LRRFIP2: variants seen among roughly 807,000 people sequenced by gnomAD.
LRRFIP2 encodes the protein LRR binding FLII interacting protein 2.
In LRRFIP2, 109 loss-of-function variants were observed where a neutral mutation model predicts 125.9. That is an observed-to-expected ratio of 0.87 (90% confidence interval 0.74 to 1.01). LRRFIP2 has a LOEUF of 1.01. Among genes scored for constraint, LRRFIP2 ranks in the 50% least tolerant of loss-of-function variants. The probability of loss-of-function intolerance (pLI) is 0.00; values close to 1 mark genes in which losing one functional copy is unlikely to be tolerated. For synonymous variants in LRRFIP2, 291 were observed against 293.1 expected (o/e 0.99, Z 0.07); for missense variants, 850 against 862.3 (o/e 0.99, Z 0.18).
chr3:37,054,890 T>C (rs2086370395), intron 26 of LRRFIP2, among the ~76,000 whole-genome samples, 196 bp downstream of exon 26: 1 of 151,022 alleles, frequency 6.6e-6, no homozygotes, highest in Non-Finnish European at 1.5e-5. Context: ...CAAAAACTGA[T>C]AGCTATAGTT....
At chr3:37,119,072 T>C (rs2094913268) in intron 6 of LRRFIP2, among the ~76,000 whole-genome samples, 1 of 152,232 alleles carries the variant, frequency 6.6e-6, no homozygotes, top group African/African-American at 2.4e-5. Flanking sequence ...GTAGTGAGCC[T>C]TCAGACTTGT....
intron 2 of LRRFIP2, among the ~76,000 whole-genome samples, chr3:37,146,842 A>G (rs2095866926): frequency 6.6e-6 from 1 of 152,204 alleles, no homozygotes; most frequent in Non-Finnish European, 1.5e-5. Context: ...AAGCAATCGC[A>G]ACAAAAGTAA....
chr3:37,171,400 C>T (rs1288951587), intron 1 of LRRFIP2, among the ~76,000 whole-genome samples: 1 of 152,106 alleles, frequency 6.6e-6, no homozygotes, highest in African/African-American at 2.4e-5. Flanking sequence ...GAAGCTGCCA[C>T]TCATGAGTTC....
chr3:37,155,937 C>T (rs1315187953), intron 1 of LRRFIP2, among the ~76,000 whole-genome samples: 2 of 152,130 alleles, frequency 1.3e-5, no homozygotes, highest in Non-Finnish European at 2.9e-5. Flanking sequence ...TGCAATAGTG[C>T]GACCTTGGCT....
intron 19 of LRRFIP2, among the ~76,000 whole-genome samples, chr3:37,081,893 A>G (rs1408124055): frequency 3.3e-5 from 4 of 119,690 alleles, no homozygotes; most frequent in African/African-American, 1.2e-4. Context: ...TCTCCAAAAG[A>G]AAAAAAAAAA....
At chr3:37,087,521 C>T (rs978199841) in intron 18 of LRRFIP2, among the ~76,000 whole-genome samples, 2 of 152,112 alleles carry the variant, frequency 1.3e-5, no homozygotes, top group African/African-American at 4.8e-5. Context: ...ACAGAAGTGT[C>T]AGGTATTTTA....
Position 37,085,647 on chromosome 3 carries a change from T to C in LRRFIP2, c.1108-1841A>G, listed in dbSNP as rs142762396. Among the ~76,000 whole-genome samples, 677 of 150,980 alleles carry C rather than the reference T, an allele frequency of 4.5e-3. 4 individuals carry two copies. The highest frequency in any genetic ancestry group is 0.041 in the Middle Eastern group (12 of 292). ...CCCGGGCTGGAGTGCAATGGCGCGA[T>C]CTTGGCTCACTGCAACCTCCACCTC... On this transcript the variant is annotated intron_variant, in intron 18 of 27. Coordinates refer to ENST00000336686, the MANE Select transcript of LRRFIP2 (RefSeq NM_006309.4).
intron 9 of LRRFIP2, among the ~76,000 whole-genome samples, chr3:37,110,485 C>T (rs1269679464): frequency 1.3e-5 from 2 of 152,090 alleles, no homozygotes; most frequent in Non-Finnish European, 2.9e-5. Flanking sequence ...TGTCAAATGC[C>T]TTTAAAAAAA....
chr3:37,110,841 T>G, intron 9 of LRRFIP2, 150 bp downstream of exon 9: 1 of 593,034 alleles, frequency 1.7e-6, no homozygotes, highest in East Asian at 2.9e-5. Flanking sequence ...TTAAAGAGAC[T>G]CCCACAGACT....
chr3:37,109,421 A>G (rs1218025706), intron 11 of LRRFIP2, 106 bp downstream of exon 11: 1 of 1,233,538 alleles, frequency 8.1e-7, no homozygotes, highest in Non-Finnish European at 1.2e-6. Flanking sequence ...TGACACTAAA[A>G]TCATGTGTCC....
Position 37,148,951 on chromosome 3 carries a change from T to G in LRRFIP2, c.33A>C (p.Thr11=). MGTPASGRKR[T]PVKDRFSAED... ...CTGCAGAAAATCGGTCTTTCACAGGTGTTCTTTTCCTTCCAGAAGCAGGAG... is the reference window on the plus strand; with the variant it reads ...CTGCAGAAAATCGGTCTTTCACAGGGGTTCTTTTCCTTCCAGAAGCAGGAG... Residue 11 remains threonine (T), a synonymous_variant, in exon 2 of 28, where the codon ACA becomes ACC. Coordinates refer to ENST00000336686, the MANE Select transcript of LRRFIP2 (RefSeq NM_006309.4). 1 of 1,614,074 alleles carries G rather than the reference T, an allele frequency of 6.2e-7. No individual in the cohort carries two copies. Among genetic ancestry groups the G allele is most frequent in the Non-Finnish European group, 8.5e-7 (1 of 1,179,968 alleles).
At chr3:37,166,307 G>A (rs2096488744) in intron 1 of LRRFIP2, among the ~76,000 whole-genome samples, 1 of 151,972 alleles carries the variant, frequency 6.6e-6, no homozygotes, top group South Asian at 2.1e-4. Context: ...TCCAGCCTGG[G>A]CAGAGCAAGA....
intron 16 of LRRFIP2, among the ~76,000 whole-genome samples, chr3:37,095,802 T>A (rs1036767833): frequency 1.3e-5 from 2 of 151,932 alleles, no homozygotes; most frequent in African/African-American, 4.8e-5. Context: ...AAACCATGAC[T>A]GGCTAATATT....
rs1277160908 is a variant in LRRFIP2, at chr3:37,083,655, T to C, written c.1259A>G (p.Glu420Gly). Reference sequence around the variant, plus strand: ...CATTACCTTTGATTTTTCTTCATTTTCTCTATAAAATTCTGCCATCTGTTC... The same window carrying C: ...CATTACCTTTGATTTTTCTTCATTTCCTCTATAAAATTCTGCCATCTGTTC... Reference protein sequence around the residue: ...QEEQMAEFYRENEEKSKELER... With the variant: ...QEEQMAEFYRGNEEKSKELER... Residue 420 changes from glutamate to glycine, a missense_variant, in exon 19 of 28, where the codon GAA becomes GGA. Physicochemically the swap from Glu to Gly is moderately conservative, Grantham distance 98 (BLOSUM62 -2). Transcript: ENST00000336686. The C allele has an allele frequency of 6.4e-7, 1 of 1,558,596 alleles. No homozygotes were observed. The highest frequency in any genetic ancestry group is 8.6e-7 in the Non-Finnish European group (1 of 1,161,918).
chr3:37,086,329 T>A (rs1454761362), intron 18 of LRRFIP2, among the ~76,000 whole-genome samples: 1 of 152,218 alleles, frequency 6.6e-6, no homozygotes. Flanking sequence ...CTCAAAATGT[T>A]AAATATAGTG....
chr3:37,121,701 G>A lies in LRRFIP2; in HGVS notation c.229-10C>T. On this transcript the variant is annotated splice_polypyrimidine_tract_variant and intron_variant, in intron 4 of 27. Transcript: ENST00000336686. ...CCCTTTCCGAATCTTCCTGGGAAAG[G>A]AGAAAGTACATGGAGAGTTAATCAC... 1 of 1,613,716 alleles carries A rather than the reference G, an allele frequency of 6.2e-7. No individual in the cohort carries two copies. Among genetic ancestry groups the A allele is most frequent in the African/African-American group, 1.3e-5 (1 of 75,032 alleles).
In LRRFIP2 at chr3:37,109,537, C is replaced by T; in HGVS notation, c.599G>A (p.Ser200Asn). ...SPTANSGLLR[S>N]ASLASLYNGG... ...GAGGAAAATACAAACCAGACTGGCA[C>T]TTCTCAGCAGACCAGAATTTGCAGT... Residue 200 changes from serine to asparagine, a missense_variant, in exon 11 of 28, where the codon AGT (serine) becomes AAT (asparagine). Transcript: ENST00000336686. 1.9e-6 allele frequency: 3 copies of T among 1,613,992 alleles called. No homozygotes were observed. Among genetic ancestry groups the T allele is most frequent in the Non-Finnish European group, 2.5e-6 (3 of 1,179,922 alleles).
chr3:37,104,332 T>C (rs1243045243), intron 14 of LRRFIP2, among the ~76,000 whole-genome samples: 1 of 152,208 alleles, frequency 6.6e-6, no homozygotes, highest in Non-Finnish European at 1.5e-5. Context: ...CAAGCATCAT[T>C]ATTTAAAGTC....
rs546358740 is a variant in LRRFIP2 at position 37,138,963 on chromosome 3, A to T, written c.91-9814T>A. Among the ~76,000 whole-genome samples the T allele has an allele frequency of 1.4e-3, 212 of 152,304 alleles. 4 individuals are homozygous for T. The South Asian group carries it at 0.031, about 22-fold the overall frequency. On this transcript the variant is annotated intron_variant, in intron 2 of 27. Transcript: ENST00000336686. ...CTTTGGGGTCATTATTAAATAAACT[A>T]AAGGTTACTCAAACACAAACAATGT...
Sources: gnomAD v4.1 joint callset for allele counts (sites outside exome capture counted in the v4.1 genomes callset) on GRCh38, gnomAD v4.1.1 for gene constraint, MANE v1.5 for transcripts, NCBI Gene and HGNC (gene_info 2026-07-23, HGNC 2026-07-21) for gene names.